The following ACTR1A variants were observed in gnomAD, a reference collection of about 807,000 sequenced individuals.
ACTR1A encodes the protein alpha-centractin.
In ACTR1A, 10 loss-of-function variants were observed where a neutral mutation model predicts 50.7. The ratio of observed to expected loss-of-function variants is 0.20; its 90% CI spans 0.12 to 0.33. ACTR1A has a LOEUF of 0.33. ACTR1A is among the 10% of genes least tolerant of loss of function. The probability of loss-of-function intolerance (pLI) is 1.00; values close to 1 mark genes in which losing one functional copy is unlikely to be tolerated. For synonymous variants in ACTR1A, 177 were observed against 184.2 expected (o/e 0.96, Z 0.32); for missense variants, 253 against 491.7 (o/e 0.51, Z 4.59).
At chr10:102,492,987 G>C (rs562382770) in intron 1 of ACTR1A, among the ~76,000 whole-genome samples, 1 of 60,742 alleles carries the variant, frequency 1.6e-5, no homozygotes, top group South Asian at 5.2e-4. Flanking sequence ...GGGAGACAGA[G>C]TGAGACTCCA....
chr10:102,484,992 G>A (rs906833123), intron 5 of ACTR1A, among the ~76,000 whole-genome samples: 1 of 152,228 alleles, frequency 6.6e-6, no homozygotes, highest in Non-Finnish European at 1.5e-5. Flanking sequence ...GGGAATGTGT[G>A]CCCGACCTTC....
rs1432072627 is a variant in ACTR1A, at chr10:102,485,571, T to C, written c.440+38A>G. 6 of 1,610,588 alleles carry C rather than the reference T, an allele frequency of 3.7e-6. No individual in the cohort carries two copies. In the Admixed American group the frequency reaches 5.0e-5, roughly 13 times the overall value. On this transcript the variant is annotated intron_variant, in intron 5 of 10. Coordinates refer to ENST00000369905, the MANE Select transcript of ACTR1A (RefSeq NM_005736.4). ...AGCCTCAGCTGTGCCAAAGGACTGCTTTCCCCGCAGGGGCCGGGCTAGCCA... is the reference window on the plus strand; with the variant it reads ...AGCCTCAGCTGTGCCAAAGGACTGCCTTCCCCGCAGGGGCCGGGCTAGCCA...
intron 4 of ACTR1A, among the ~76,000 whole-genome samples, chr10:102,487,924 C>T (rs11191301): frequency 0.31 from 46,791 of 151,992 alleles, 7,512 homozygotes; most frequent in Admixed American, 0.36. Context: ...AGCCACCGCG[C>T]CCGGCCACGA....
intron 9 of ACTR1A, 28 bp from the exon 10 acceptor site, chr10:102,481,200 G>A: frequency 6.4e-7 from 1 of 1,562,528 alleles, no homozygotes; most frequent in Non-Finnish European, 8.7e-7. Context: ...AGAGGAATCT[G>A]AGACTTCCAG....
chr10:102,492,912 G>A (rs1370281582), intron 1 of ACTR1A, among the ~76,000 whole-genome samples: 2 of 142,208 alleles, frequency 1.4e-5, no homozygotes, highest in Non-Finnish European at 3.0e-5. Context: ...TGAGGCAGGA[G>A]AATCACTTGA....
intron 2 of ACTR1A, 74 bp from the exon 3 acceptor site, chr10:102,489,212 T>G (rs1042774626): frequency 5.8e-6 from 6 of 1,028,052 alleles, no homozygotes; most frequent in Non-Finnish European, 8.1e-6. Flanking sequence ...TAGATGTACA[T>G]ACACACTCAA....
At chr10:102,500,108 C>T (rs1011684185) in intron 1 of ACTR1A, among the ~76,000 whole-genome samples, 6 of 152,158 alleles carry the variant, frequency 3.9e-5, no homozygotes, top group Non-Finnish European at 8.8e-5. Context: ...ATTTAATAGT[C>T]TAGTGAGGGA....
chr10:102,491,308 C>T (rs909733189), intron 1 of ACTR1A, among the ~76,000 whole-genome samples: 11 of 152,190 alleles, frequency 7.2e-5, no homozygotes, highest in Non-Finnish European at 8.8e-5. Context: ...CTCCTTGTTA[C>T]GCCACCCTGG....
intron 4 of ACTR1A, among the ~76,000 whole-genome samples, chr10:102,487,142 A>G (rs1313593964): frequency 6.6e-6 from 1 of 151,994 alleles, no homozygotes; most frequent in Non-Finnish European, 1.5e-5. Flanking sequence ...CAGGCTGCAC[A>G]AGGTGGCTCA....
intron 1 of ACTR1A, 119 bp downstream of exon 1, chr10:102,502,481 A>ACG: frequency 8.9e-7 from 1 of 1,119,620 alleles, no homozygotes; most frequent in Admixed American, 1.9e-5. Context: ...CGGTGGCTGA[A>ACG]CGCGCCTGAC....
chr10:102,497,140 A>G (rs1293285789), intron 1 of ACTR1A, among the ~76,000 whole-genome samples: 1 of 147,370 alleles, frequency 6.8e-6, no homozygotes, highest in Non-Finnish European at 1.5e-5. Flanking sequence ...ACTGCACTCC[A>G]GCCTGGGCCA....
At position 102,479,932 on chromosome 10, in the gene ACTR1A, A is replaced by G. The variant is rs1238683775; in HGVS notation, c.*931T>C. ...TCTTTGAGTGTAGCTTCCAATCTCA[A>G]ATGGTCCTGGAACCTGTGGACACTG... is the stretch of plus-strand genomic sequence containing the variant. On this transcript the variant is annotated 3_prime_UTR_variant, in exon 11 of 11. Transcript: ENST00000369905. This position sits in a 1 kb window ranked among gnomAD's most constrained non-coding sequence, Gnocchi z 4.0. 3 of 303,646 alleles carry G rather than the reference A, an allele frequency of 9.9e-6. No homozygotes were observed. Among genetic ancestry groups the G allele is most frequent in the East Asian group, 8.2e-5 (1 of 12,232 alleles). 18.8% of individuals were successfully genotyped at this position (303,646 alleles called of 1,614,324 possible). A position where few individuals can be genotyped will look rare whatever the true frequency, so the allele number is the denominator to read the frequency against.
intron 1 of ACTR1A, among the ~76,000 whole-genome samples, chr10:102,502,019 G>C (rs747837618): frequency 5.9e-5 from 9 of 152,106 alleles, no homozygotes; most frequent in Non-Finnish European, 1.3e-4. Context: ...CCACCAAGCC[G>C]CAGCGCCGGC....
chr10:102,491,663 G>T (rs1426631977), intron 1 of ACTR1A, among the ~76,000 whole-genome samples: 1 of 152,102 alleles, frequency 6.6e-6, no homozygotes, highest in Non-Finnish European at 1.5e-5. Flanking sequence ...AGCATCTCAG[G>T]TACCACCCAG....
rs542278063 is a variant in ACTR1A at position 102,482,595 on chromosome 10, G to T, written c.750+416C>A. On this transcript the variant is annotated intron_variant, in intron 7 of 10. Coordinates refer to ENST00000369905, the MANE Select transcript of ACTR1A (RefSeq NM_005736.4). This position sits in a 1 kb window ranked among gnomAD's most constrained non-coding sequence, Gnocchi z 5.6. ...AGGAGCTTCCTCCCCTCTAGCGGGA[G>T]GGAGCAAAGTTCTGGCTGCCTCCTC... 13 of 266,808 alleles carry T rather than the reference G, an allele frequency of 4.9e-5. No homozygotes were observed. Among genetic ancestry groups the T allele is most frequent in the African/African-American group, 2.9e-4 (13 of 45,166 alleles). The allele number at this position is 266,808 out of a possible 1,614,324, so 16.5% of individuals were successfully genotyped here.
chr10:102,485,976 G>A (rs1408436784), intron 4 of ACTR1A, among the ~76,000 whole-genome samples: 3 of 151,936 alleles, frequency 2.0e-5, no homozygotes, highest in African/African-American at 7.3e-5. Context: ...TCCCCTCCTT[G>A]TCCTCCAAGA....
At chr10:102,490,731 A>G (rs1324640016) in intron 1 of ACTR1A, 118 bp from the exon 2 acceptor site, 11 of 773,236 alleles carry the variant, frequency 1.4e-5, no homozygotes, top group Non-Finnish European at 2.1e-5. Context: ...AGTGGCTCAC[A>G]CTTGTAATCC....
rs532950146 is a variant in ACTR1A, at chr10:102,480,552, G to C, written c.*311C>G. 2.5e-6 allele frequency: 1 copy of C among 397,700 alleles called. No individual in the cohort carries two copies. The highest frequency in any genetic ancestry group is 3.0e-5 in the South Asian group (1 of 32,798). 24.6% of individuals were successfully genotyped at this position (397,700 alleles called of 1,614,324 possible). A position where few individuals can be genotyped will look rare whatever the true frequency, so the allele number is the denominator to read the frequency against. ...ATGGCTTACCTCCCTCTGTCTCCCT[G>C]TGGTAGTAAACGGAGTCCCCCACAG... is the stretch of plus-strand genomic sequence containing the variant. On this transcript the variant is annotated 3_prime_UTR_variant, in exon 11 of 11. Transcript: ENST00000369905.
Position 102,488,372 on chromosome 10 carries a change from A to G in ACTR1A, c.190-97T>C. On this transcript the variant is annotated intron_variant, in intron 3 of 10. Coordinates refer to ENST00000369905, the MANE Select transcript of ACTR1A (RefSeq NM_005736.4). This position sits in a 1 kb window ranked among gnomAD's most constrained non-coding sequence, Gnocchi z 4.4. ...AGTGCAAGCTGAATCCCTTGCAAAG[A>G]AGCCTCAGCTTCCTGAGCTTCCACC... 1.3e-6 allele frequency: 2 copies of G among 1,531,706 alleles called. No individual in the cohort carries two copies. Among genetic ancestry groups the G allele is most frequent in the South Asian group, 2.3e-5 (2 of 86,372 alleles). 94.9% of individuals were successfully genotyped at this position (1,531,706 alleles called of 1,614,324 possible). A position where few individuals can be genotyped will look rare whatever the true frequency, so the allele number is the denominator to read the frequency against.
Sources: allele counts gnomAD v4.1 joint callset (sites outside exome capture counted in the v4.1 genomes callset), GRCh38; gene constraint gnomAD v4.1.1; non-coding constraint Gnocchi (gnomAD v3.1); transcripts MANE v1.5; gene names NCBI Gene and HGNC (gene_info 2026-07-23, HGNC 2026-07-21).